MRTFA: variants seen among roughly 807,000 people sequenced by gnomAD.
MRTFA encodes the protein myocardin related transcription factor A.
A neutral mutation model predicts 83.5 loss-of-function variants in MRTFA; 20 were observed. The ratio of observed to expected loss-of-function variants is 0.24; its 90% CI spans 0.17 to 0.35. MRTFA has a LOEUF of 0.35. Ranked by LOEUF, MRTFA falls within the 10% of genes least tolerant of loss-of-function variation. The pLI, the probability that MRTFA is intolerant of heterozygous loss-of-function variation, is 1.00. For missense variants in MRTFA, 1,200 were observed against 1,224.7 expected, an observed-to-expected ratio of 0.98 and a Z score of 0.30; for synonymous variants, 659 against 541.2, an observed-to-expected ratio of 1.22 and a Z score of -3.02.
chr22:40,419,151 AGCTGGAGCCAGGCCT>A lies in MRTFA; in HGVS notation c.1572_1586del (p.Gly525_Ala529del), dbSNP rs779955586. 6.3e-7 allele frequency: 1 copy of A among 1,585,174 alleles called. No individual in the cohort carries two copies. The highest frequency in any genetic ancestry group is 8.6e-7 in the Non-Finnish European group (1 of 1,165,542). On this transcript the variant is annotated inframe_deletion, in exon 12 of 15. Transcript: ENST00000355630. Reference sequence around the variant, plus strand: ...TGGCCACCGTGGCCACCACCACCTCAGCTGGAGCCAGGCCTGCTGCCACCAGGGCTGGCCCCGTGC... The same window carrying A: ...TGGCCACCGTGGCCACCACCACCTCAGCTGCCACCAGGGCTGGCCCCGTGC...
chr22:40,622,288 C>T (rs552907208), intron 1 of MRTFA, among the ~76,000 whole-genome samples: 3 of 151,612 alleles, frequency 2.0e-5, no homozygotes, highest in Non-Finnish European at 2.9e-5. Context: ...AAGACCAGCC[C>T]GGCCAAGATG....
chr22:40,530,190 G>C (rs2055053373), intron 3 of MRTFA, among the ~76,000 whole-genome samples: 1 of 152,190 alleles, frequency 6.6e-6, no homozygotes, highest in Non-Finnish European at 1.5e-5. Context: ...CAAGAGCCAA[G>C]TCCTAGCATT....
chr22:40,581,919 T>TA (rs1401655235), intron 2 of MRTFA, among the ~76,000 whole-genome samples: 1 of 152,218 alleles, frequency 6.6e-6, no homozygotes, highest in Non-Finnish European at 1.5e-5. Context: ...GCTTTACTGG[T>TA]ATATAATTCA....
chr22:40,419,416 G>C (rs376382989), intron 11 of MRTFA, 32 bp from the exon 12 acceptor site: 66 of 1,603,650 alleles, frequency 4.1e-5, no homozygotes, highest in Non-Finnish European at 5.5e-5. Flanking sequence ...GGGAGGCCAG[G>C]GGCAGCTGGA....
chr22:40,629,120 T>C (rs948026998), intron 1 of MRTFA, among the ~76,000 whole-genome samples: 3 of 151,834 alleles, frequency 2.0e-5, no homozygotes, highest in Non-Finnish European at 4.4e-5. Flanking sequence ...AAGACTCTCT[T>C]CTCTTCTCTA....
Position 40,411,295 on chromosome 22 carries a change from C to T in MRTFA, c.*95G>A. Reference sequence around the variant, plus strand: ...AGCAGGGGCTGTGATTGTCAAGACTCACAACCATGTGGAGAGGCCGAATCA... The same window carrying T: ...AGCAGGGGCTGTGATTGTCAAGACTTACAACCATGTGGAGAGGCCGAATCA... On this transcript the variant is annotated 3_prime_UTR_variant, in exon 15 of 15. Coordinates refer to ENST00000355630, the MANE Select transcript of MRTFA (RefSeq NM_020831.6). 7.4e-7 allele frequency: 1 copy of T among 1,343,578 alleles called. No individual in the cohort carries two copies. Among genetic ancestry groups the T allele is most frequent in the Non-Finnish European group, 1.0e-6 (1 of 991,226 alleles). The allele number at this position is 1,343,578 out of a possible 1,614,324, so 83.2% of individuals were successfully genotyped here.
chr22:40,460,698 G>A (rs73887826), intron 4 of MRTFA, among the ~76,000 whole-genome samples: 3,042 of 152,248 alleles, frequency 0.02, 93 homozygotes, highest in African/African-American at 0.068. Flanking sequence ...GGTTTGGAGT[G>A]TATTGTAAAG....
chr22:40,583,930 G>A (rs2055986480), intron 2 of MRTFA, among the ~76,000 whole-genome samples: 1 of 152,158 alleles, frequency 6.6e-6, no homozygotes, highest in Non-Finnish European at 1.5e-5. Context: ...ACAGGACGAG[G>A]TGCTCATCTC....
chr22:40,598,655 A>G (rs1030086211), intron 1 of MRTFA, among the ~76,000 whole-genome samples: 1 of 152,084 alleles, frequency 6.6e-6, no homozygotes, highest in South Asian at 2.1e-4. Context: ...TAAAAATTAG[A>G]TGTGTGTGCC....
chr22:40,432,118 C>T (rs1019597416), intron 5 of MRTFA, among the ~76,000 whole-genome samples: 7 of 152,006 alleles, frequency 4.6e-5, no homozygotes, highest in African/African-American at 1.5e-4. Context: ...TGGTGGCTGG[C>T]GCCTGTAATC....
chr22:40,593,303 A>G (rs1032674539), intron 2 of MRTFA, among the ~76,000 whole-genome samples: 2 of 152,250 alleles, frequency 1.3e-5, no homozygotes, highest in African/African-American at 4.8e-5. Context: ...ACTGAGTCAC[A>G]ATATTATTCA....
chr22:40,411,107 TC>T lies in MRTFA; in HGVS notation c.*282del. The T allele has an allele frequency of 3.0e-6, 1 of 333,184 alleles. No homozygotes were observed. The highest frequency in any genetic ancestry group is 5.5e-6 in the Non-Finnish European group (1 of 183,460). 20.6% of individuals were successfully genotyped at this position (333,184 alleles called of 1,614,324 possible). A position where few individuals can be genotyped will look rare whatever the true frequency, so the allele number is the denominator to read the frequency against. On this transcript the variant is annotated 3_prime_UTR_variant, in exon 15 of 15. Transcript: ENST00000355630. The stretch of plus-strand genomic sequence containing the variant: ...GCCAGACAGACAGTGCCCCCTGACC[TC>T]AAAAAAGGAGGTCAAGCTGAAATGG...
chr22:40,458,248 AGAGTT>A (rs1179491073), intron 4 of MRTFA, among the ~76,000 whole-genome samples: 6 of 152,232 alleles, frequency 3.9e-5, no homozygotes, highest in African/African-American at 1.2e-4. Flanking sequence ...TGTATTTGGT[AGAGTT>A]AAGTGACGTT....
intron 14 of MRTFA, among the ~76,000 whole-genome samples, chr22:40,414,203 C>T (rs936939762): frequency 2.6e-5 from 4 of 152,148 alleles, no homozygotes; most frequent in Non-Finnish European, 4.4e-5. Context: ...ATTGGCCGGG[C>T]GTGGCGGCGG....
At chr22:40,470,231 T>TTATATTTATA (rs2053877362) in intron 3 of MRTFA, among the ~76,000 whole-genome samples, 1 of 45,678 alleles carries the variant, frequency 2.2e-5, no homozygotes, top group African/African-American at 1.7e-4. Context: ...CTCCAAAATT[T>TTATATTTATA]TATATATATA....
In MRTFA at chr22:40,429,689, T is replaced by C; in HGVS notation, c.518A>G (p.Lys173Arg). Reference sequence around the variant, plus strand: ...CATGGGGCCAGGCCTCTGTGCAATCTTCTCATTGAGGTCATCGGCTAGTCT... The same window carrying C: ...CATGGGGCCAGGCCTCTGTGCAATCCTCTCATTGAGGTCATCGGCTAGTCT... The change falls in exon 7 of 15, where the codon AAG becomes AGG. Residue 173 changes from lysine to arginine, a missense_variant. Physicochemically the swap from Lys to Arg is conservative, Grantham distance 26. Around this residue, in one of 2 missense-constraint regions of MRTFA, gnomAD observed 93 missense variants for 182.9 expected, o/e 0.51. Transcript: ENST00000355630. 6.2e-7 allele frequency: 1 copy of C among 1,614,162 alleles called. No individual in the cohort carries two copies. The highest frequency in any genetic ancestry group is 8.5e-7 in the Non-Finnish European group (1 of 1,180,028).
At chr22:40,578,937 T>C (rs1192380699) in intron 2 of MRTFA, among the ~76,000 whole-genome samples, 1 of 151,596 alleles carries the variant, frequency 6.6e-6, no homozygotes, top group Non-Finnish European at 1.5e-5. Flanking sequence ...ACTAAAATAA[T>C]AAAAAACAAA....
chr22:40,533,580 T>C (rs1017476801), intron 3 of MRTFA: 15 of 1,225,126 alleles, frequency 1.2e-5, no homozygotes, highest in Non-Finnish European at 1.4e-5. Flanking sequence ...TTAGGATTTA[T>C]GTGAATTACC....
At chr22:40,480,898 G>A (rs2054079172) in intron 3 of MRTFA, among the ~76,000 whole-genome samples, 1 of 151,906 alleles carries the variant, frequency 6.6e-6, no homozygotes, top group Non-Finnish European at 1.5e-5. Flanking sequence ...ACAGGCATGA[G>A]CCAACATGCC....
Sources: gnomAD v4.1 joint callset for allele counts (sites outside exome capture counted in the v4.1 genomes callset) on GRCh38, gnomAD v4.1.1 for gene constraint, gnomAD v4.1.1 regional missense constraint, MANE v1.5 for transcripts, NCBI Gene and HGNC (gene_info 2026-07-23, HGNC 2026-07-21) for gene names.